The following FHIT variants were observed in gnomAD, a reference collection of about 807,000 sequenced individuals.
The protein encoded by FHIT is fragile histidine triad diadenosine triphosphatase.
In FHIT, 19 loss-of-function variants were observed where a neutral mutation model predicts 17.9. The ratio of observed to expected loss-of-function variants is 1.06; its 90% CI spans 0.74 to 1.56. The LOEUF (loss-of-function observed/expected upper bound fraction) is 1.56. Among genes scored for constraint, FHIT ranks in the 40% most tolerant of loss-of-function variants. The pLI is 0.00. For missense variants in FHIT, 248 were observed against 189.2 expected, an observed-to-expected ratio of 1.31 and a Z score of -1.82; for synonymous variants, 81 against 69.7, an observed-to-expected ratio of 1.16 and a Z score of -0.81.
rs990244327 is a variant in FHIT at position 60,066,714 on chromosome 3, A to T, written c.104-52562T>A. 7.2e-5 allele frequency among the ~76,000 whole-genome samples: 9 copies of T among 125,388 alleles called. No individual in the cohort carries two copies. The East Asian group carries it at 7.9e-4, about 11-fold the overall frequency. The allele number at this position is 125,388 out of a possible 152,430, so 82.3% of individuals were successfully genotyped here. ...CTCTGTCACCCAGGCTGGAGTGCAG[A>T]GGCACGATCTCGGCTCACTGCAAGC... On this transcript the variant is annotated intron_variant, in intron 5 of 9. Coordinates refer to ENST00000492590, the MANE Select transcript of FHIT (RefSeq NM_002012.4).
intron 5 of FHIT, among the ~76,000 whole-genome samples, chr3:60,532,944 G>T (rs989782484): frequency 2.7e-5 from 4 of 146,960 alleles, no homozygotes; most frequent in African/African-American, 5.1e-5. Flanking sequence ...TCCCCAAAGG[G>T]CACCTGAATG....
chr3:60,087,035 G>A (rs1385324561), intron 5 of FHIT, among the ~76,000 whole-genome samples: 1 of 152,182 alleles, frequency 6.6e-6, no homozygotes, highest in Non-Finnish European at 1.5e-5. Context: ...GAGTCATCAA[G>A]CCTCCACCAC....
intron 3 of FHIT, among the ~76,000 whole-genome samples, chr3:60,881,237 C>T (rs1704962197): frequency 6.6e-6 from 1 of 152,102 alleles, no homozygotes; most frequent in Non-Finnish European, 1.5e-5. Context: ...ATCAATTCAG[C>T]AAGAAGCTAC....
intron 8 of FHIT, among the ~76,000 whole-genome samples, chr3:59,836,099 C>G (rs1440505974): frequency 6.6e-6 from 1 of 152,048 alleles, no homozygotes; most frequent in Non-Finnish European, 1.5e-5. Flanking sequence ...GGAGTCCTCC[C>G]CATGAGTTTA....
chr3:59,826,800 C>T (rs904649885), intron 8 of FHIT, among the ~76,000 whole-genome samples: 1 of 152,246 alleles, frequency 6.6e-6, no homozygotes, highest in Non-Finnish European at 1.5e-5. Flanking sequence ...TTCCAAATTC[C>T]TCATATGGCT....
intron 4 of FHIT, among the ~76,000 whole-genome samples, chr3:60,640,040 A>G (rs2039687715): frequency 6.6e-6 from 1 of 152,212 alleles, no homozygotes. Flanking sequence ...GGGAGTTCAT[A>G]TTATGGGTTA....
chr3:60,070,940 C>A (rs1432907721), intron 5 of FHIT, among the ~76,000 whole-genome samples: 3 of 152,238 alleles, frequency 2.0e-5, no homozygotes, highest in Non-Finnish European at 2.9e-5. Flanking sequence ...GTCCATCTAC[C>A]TGATGACATG....
chr3:60,497,601 A>G (rs1306764204), intron 5 of FHIT, among the ~76,000 whole-genome samples: 1 of 152,194 alleles, frequency 6.6e-6, no homozygotes, highest in African/African-American at 2.4e-5. Context: ...ACAGAGCTAT[A>G]AAAGGAAGAC....
intron 8 of FHIT, among the ~76,000 whole-genome samples, chr3:59,754,535 G>C (rs1300353628): frequency 6.6e-6 from 1 of 152,142 alleles, no homozygotes; most frequent in Non-Finnish European, 1.5e-5. Context: ...ATGACAAAGA[G>C]ATATGCAAAG....
intron 8 of FHIT, among the ~76,000 whole-genome samples, chr3:59,830,902 G>A (rs184266085): frequency 4.1e-4 from 62 of 152,264 alleles, no homozygotes; most frequent in African/African-American, 1.5e-3. Flanking sequence ...ACTGCTCTTC[G>A]AACAGTATGA....
At chr3:60,966,034 G>A (rs1709722652) in intron 3 of FHIT, among the ~76,000 whole-genome samples, 1 of 152,160 alleles carries the variant, frequency 6.6e-6, no homozygotes. Context: ...CCTGACCCTA[G>A]AGGTGGAGTC....
At chr3:60,222,328 C>T (rs1436857198) in intron 5 of FHIT, among the ~76,000 whole-genome samples, 1 of 152,132 alleles carries the variant, frequency 6.6e-6, no homozygotes, top group Non-Finnish European at 1.5e-5. Flanking sequence ...TTCTACCCTC[C>T]CCTCCCTGTT....
chr3:60,376,613 AACTC>A (rs924837068), intron 5 of FHIT, among the ~76,000 whole-genome samples: 8 of 152,182 alleles, frequency 5.3e-5, no homozygotes, highest in African/African-American at 1.9e-4. Flanking sequence ...ATGCAAAACA[AACTC>A]ACAATTTAGC....
chr3:60,811,076 T>C (rs1701557240), intron 4 of FHIT, among the ~76,000 whole-genome samples: 1 of 152,164 alleles, frequency 6.6e-6, no homozygotes, highest in Non-Finnish European at 1.5e-5. Flanking sequence ...AACATCTGCT[T>C]TGTATGAACA....
In FHIT at chr3:60,571,519, A is replaced by G. The variant is rs565108511; in HGVS notation, c.-17-34540T>C. Among the ~76,000 whole-genome samples the G allele has an allele frequency of 6.6e-5, 10 of 152,140 alleles. No homozygotes were observed. In the South Asian group the frequency reaches 1.9e-3, roughly 28 times the overall value. Reference sequence around the variant, plus strand: ...GGAGAATTTGAGAAAATTTTACAGTAAACAGGAATTTGCATACGCTCTGGG... The same window carrying G: ...GGAGAATTTGAGAAAATTTTACAGTGAACAGGAATTTGCATACGCTCTGGG... On this transcript the variant is annotated intron_variant, in intron 4 of 9. Transcript: ENST00000492590.
chr3:59,873,943 G>A (rs1703036492), intron 8 of FHIT, among the ~76,000 whole-genome samples: 2 of 152,078 alleles, frequency 1.3e-5, no homozygotes, highest in African/African-American at 4.8e-5. Context: ...AAATTAGTAT[G>A]AAGCCTTCAG....
intron 5 of FHIT, among the ~76,000 whole-genome samples, chr3:60,496,231 A>C (rs2034295023): frequency 6.6e-6 from 1 of 152,146 alleles, no homozygotes; most frequent in Admixed American, 6.6e-5. Context: ...CCAAGCGAGA[A>C]ATAAAAAAAA....
chr3:59,800,677 ACAGATGT>A (rs1360026711), intron 8 of FHIT, among the ~76,000 whole-genome samples: 6 of 152,222 alleles, frequency 3.9e-5, no homozygotes, highest in African/African-American at 1.4e-4. Context: ...ACTGGTGAAG[ACAGATGT>A]CACAATCAAT....
intron 8 of FHIT, among the ~76,000 whole-genome samples, chr3:59,834,647 ATCT>A (rs1553690935): frequency 6.6e-6 from 1 of 152,120 alleles, no homozygotes; most frequent in African/African-American, 2.4e-5. Flanking sequence ...GCTCTCTGAC[ATCT>A]TCTTATAAGG....
Sources: allele counts gnomAD v4.1 joint callset (sites outside exome capture counted in the v4.1 genomes callset), GRCh38; gene constraint gnomAD v4.1.1; transcripts MANE v1.5; gene names NCBI Gene and HGNC (gene_info 2026-07-23, HGNC 2026-07-21).